The following TRPC5 variants were observed in gnomAD, a reference collection of about 807,000 sequenced individuals.
The protein encoded by TRPC5 is short transient receptor potential channel 5.
Under a neutral mutation model 56.5 loss-of-function variants are expected in TRPC5, and 9 were observed. The observed-to-expected ratio is 0.16, with a 90% confidence interval of 0.10 to 0.28. The LOEUF (loss-of-function observed/expected upper bound fraction) is 0.28. Among genes scored for constraint, TRPC5 ranks in the 10% least tolerant of loss-of-function variants. TRPC5 has a pLI of 1.00. For synonymous variants in TRPC5, 282 were observed against 278.5 expected, an observed-to-expected ratio of 1.01 and a Z score of -0.13; for missense variants, 469 against 748.9, an observed-to-expected ratio of 0.63 and a Z score of 4.36.
rs148889900 is a variant in TRPC5, at chrX:111,802,746, C to T, written c.1897-20608G>A. Reference sequence around the variant, plus strand: ...TTCCTGAGGGAGAATTCTGTAAAGGCAAAGCGAAAAAGACAACATTAGAAG... The same window carrying T: ...TTCCTGAGGGAGAATTCTGTAAAGGTAAAGCGAAAAAGACAACATTAGAAG... On this transcript the variant is annotated intron_variant, in intron 7 of 10. Coordinates refer to ENST00000262839, the MANE Select transcript of TRPC5 (RefSeq NM_012471.3). 9.8e-3 allele frequency among the ~76,000 whole-genome samples: 1,096 copies of T among 111,650 alleles called. 15 individuals carry two copies. Among genetic ancestry groups the T allele is most frequent in the African/African-American group, 0.034 (1,049 of 30,784 alleles).
intron 7 of TRPC5, among the ~76,000 whole-genome samples, chrX:111,796,520 C>G (rs1336584904): frequency 8.9e-6 from 1 of 112,163 alleles, no homozygotes; most frequent in African/African-American, 3.2e-5. Context: ...CTTTCTTTGA[C>G]TAATTATTAT....
rs775881778 is a variant in TRPC5, at chrX:111,873,422, T to A, written c.901-19316A>T. The stretch of plus-strand genomic sequence containing the variant: ...TATGTTTACTGCCTGGGTGATGGGA[T>A]CATTGAGACCCCTAGCCTCAGCACT... On this transcript the variant is annotated intron_variant, in intron 3 of 10. Transcript: ENST00000262839. Among the ~76,000 whole-genome samples, 147 of 111,025 alleles carry A rather than the reference T, an allele frequency of 1.3e-3. 1 individual carries two copies. The highest frequency in any genetic ancestry group is 4.5e-3 in the African/African-American group (137 of 30,549).
chrX:112,046,875 C>G (rs1930041068), intron 1 of TRPC5, among the ~76,000 whole-genome samples: 1 of 111,545 alleles, frequency 9.0e-6, no homozygotes, highest in African/African-American at 3.3e-5. Flanking sequence ...CTGTCCGCTT[C>G]TCTCTTTTCA....
At chrX:112,002,162 A>G (rs965075700) in intron 1 of TRPC5, among the ~76,000 whole-genome samples, 1 of 112,319 alleles carries the variant, frequency 8.9e-6, no homozygotes, top group African/African-American at 3.2e-5. Context: ...GTTAGATCAC[A>G]CTGCTCCTCT....
At chrX:111,931,687 A>T (rs1926421360) in intron 2 of TRPC5, among the ~76,000 whole-genome samples, 1 of 111,947 alleles carries the variant, frequency 8.9e-6, no homozygotes, top group Non-Finnish European at 1.9e-5. Context: ...TTCTATCCAC[A>T]ATTCTTATAT....
intron 1 of TRPC5, among the ~76,000 whole-genome samples, chrX:112,039,133 G>T (rs905452516): frequency 1.8e-5 from 2 of 111,520 alleles, no homozygotes; most frequent in Non-Finnish European, 3.8e-5. Flanking sequence ...TCAGAAAGGT[G>T]AAGGGTCACG....
Position 111,769,723 on chromosome X carries a change from C to T in TRPC5, c.*6590G>A, listed in dbSNP as rs982760954. The stretch of plus-strand genomic sequence containing the variant: ...AGACAATCTCATTATTTTATAATTG[C>T]ACCTATCAAAGTGCCTATTGTGTAG... On this transcript the variant is annotated 3_prime_UTR_variant, in exon 11 of 11. Transcript: ENST00000262839. Among the ~76,000 whole-genome samples the T allele has an allele frequency of 3.6e-5, 4 of 112,108 alleles. No homozygotes were observed. The highest frequency in any genetic ancestry group is 1.3e-4 in the African/African-American group (4 of 30,896).
At chrX:111,831,662 G>A (rs1922411097) in intron 7 of TRPC5, among the ~76,000 whole-genome samples, 1 of 111,992 alleles carries the variant, frequency 8.9e-6, no homozygotes, top group Admixed American at 9.5e-5. Context: ...TGAAGCAAGT[G>A]CTGTTTACTT....
At chrX:112,012,788 T>A (rs1376252485) in intron 1 of TRPC5, among the ~76,000 whole-genome samples, 2 of 111,828 alleles carry the variant, frequency 1.8e-5, no homozygotes, top group Non-Finnish European at 3.8e-5. Context: ...TTGCTAATAC[T>A]TTTCACCTTC....
rs367876659 is a variant in TRPC5 at position 111,852,443 on chromosome X, G to T, written c.1238-6C>A. 103 of 1,201,942 alleles carry T rather than the reference G, an allele frequency of 8.6e-5. 1 individual carries two copies. In the East Asian group the frequency reaches 1.5e-3, roughly 17 times the overall value. On this transcript the variant is annotated splice_region_variant and splice_polypyrimidine_tract_variant and intron_variant, in intron 4 of 10. Coordinates refer to ENST00000262839, the MANE Select transcript of TRPC5 (RefSeq NM_012471.3). The stretch of plus-strand genomic sequence containing the variant: ...AATCTCACCCCAAATGAAACCTGAA[G>T]AATGGAGGAAAACAGTTTATTTCTA...
intron 2 of TRPC5, among the ~76,000 whole-genome samples, chrX:111,916,464 A>G (rs781221453): frequency 1.8e-5 from 2 of 111,775 alleles, no homozygotes; most frequent in East Asian, 5.6e-4. Context: ...ATTCCTTCCC[A>G]GGCTGTGCAG....
At chrX:111,915,163 T>C (rs1925938110) in intron 2 of TRPC5, among the ~76,000 whole-genome samples, 1 of 111,626 alleles carries the variant, frequency 9.0e-6, no homozygotes, top group East Asian at 2.8e-4. Flanking sequence ...TCCTGTCCAA[T>C]ACACACAGCA....
chrX:111,780,096 A>G (rs1193913713), intron 9 of TRPC5, among the ~76,000 whole-genome samples: 1 of 111,643 alleles, frequency 9.0e-6, no homozygotes, highest in Non-Finnish European at 1.9e-5. Context: ...TGACCTATAG[A>G]ATAAGGATGC....
intron 3 of TRPC5, among the ~76,000 whole-genome samples, chrX:111,871,648 C>G (rs184583621): frequency 6.8e-4 from 76 of 111,953 alleles, no homozygotes; most frequent in African/African-American, 2.4e-3. Flanking sequence ...AGGAACTAAA[C>G]AAGAAAGCAC....
chrX:112,005,881 C>G (rs1187962093), intron 1 of TRPC5, among the ~76,000 whole-genome samples: 1 of 111,843 alleles, frequency 8.9e-6, no homozygotes, highest in East Asian at 2.8e-4. Flanking sequence ...CATGCAGATG[C>G]CTGGACAAAT....
chrX:111,960,968 T>C (rs767270071), intron 1 of TRPC5, among the ~76,000 whole-genome samples: 96 of 110,936 alleles, frequency 8.7e-4, no homozygotes, highest in African/African-American at 2.8e-3. Context: ...TGCACTACTA[T>C]GCCCGGCTAA....
intron 1 of TRPC5, among the ~76,000 whole-genome samples, chrX:112,050,436 A>G (rs760080712): frequency 5.3e-5 from 6 of 112,346 alleles, no homozygotes; most frequent in African/African-American, 9.7e-5. Context: ...TGAAAGCCAA[A>G]CATATAGGTT....
intron 2 of TRPC5, among the ~76,000 whole-genome samples, chrX:111,944,396 G>T (rs777447552): frequency 9.2e-6 from 1 of 109,256 alleles, no homozygotes; most frequent in African/African-American, 3.3e-5. Flanking sequence ...CTCTGCTTGG[G>T]TCTGTTTTGC....
chrX:111,955,585 T>C lies in TRPC5; in HGVS notation c.-21-3144A>G, dbSNP rs150692389. Among the ~76,000 whole-genome samples the C allele has an allele frequency of 4.4e-3, 497 of 111,782 alleles. 2 individuals carry two copies. Among genetic ancestry groups the C allele is most frequent in the African/African-American group, 0.015 (471 of 30,751 alleles). On this transcript the variant is annotated intron_variant, in intron 1 of 10. Coordinates refer to ENST00000262839, the MANE Select transcript of TRPC5 (RefSeq NM_012471.3). ...TTGTCTGTTGACATGCAGACTCACATAGCTGTCTAATGACTTGCCTAATTC... is the reference window on the plus strand; with the variant it reads ...TTGTCTGTTGACATGCAGACTCACACAGCTGTCTAATGACTTGCCTAATTC...
Sources: gnomAD v4.1 joint callset for allele counts (sites outside exome capture counted in the v4.1 genomes callset) on GRCh38, gnomAD v4.1.1 for gene constraint, MANE v1.5 for transcripts, NCBI Gene and HGNC (gene_info 2026-07-23, HGNC 2026-07-21) for gene names.